FBXO25: variants seen among roughly 807,000 people sequenced by gnomAD.
FBXO25 encodes F-box only protein 25.
In FBXO25, 45 loss-of-function variants were observed where a neutral mutation model predicts 51.9. The ratio of observed to expected loss-of-function variants is 0.87; its 90% CI spans 0.68 to 1.11. FBXO25 has a LOEUF of 1.11. FBXO25 is among the 50% of genes most tolerant of loss of function. The pLI, the probability that FBXO25 is intolerant of heterozygous loss-of-function variation, is 0.00. For missense variants in FBXO25, 507 were observed against 428.5 expected, an observed-to-expected ratio of 1.18 and a Z score of -1.62; for synonymous variants, 199 against 151.0, an observed-to-expected ratio of 1.32 and a Z score of -2.33.
intron 9 of FBXO25, among the ~76,000 whole-genome samples, chr8:466,675 C>T (rs1800179028): frequency 6.6e-6 from 1 of 152,212 alleles, no homozygotes; most frequent in Non-Finnish European, 1.5e-5. Context: ...TGGAGCTCTC[C>T]AGTCAGCAGT....
At chr8:441,100 A>G (rs2116650446) in intron 5 of FBXO25, among the ~76,000 whole-genome samples, 1 of 150,532 alleles carries the variant, frequency 6.6e-6, no homozygotes, top group African/African-American at 2.5e-5. Flanking sequence ...TCATCATACT[A>G]CCTGACTTCA....
intron 1 of FBXO25, among the ~76,000 whole-genome samples, chr8:409,518 A>G (rs999523545): frequency 6.6e-6 from 1 of 152,224 alleles, no homozygotes; most frequent in African/African-American, 2.4e-5. Flanking sequence ...AGAATTGGTT[A>G]TATTAATGGA....
chr8:453,500 C>G (rs1332676787), intron 7 of FBXO25, among the ~76,000 whole-genome samples: 1 of 152,136 alleles, frequency 6.6e-6, no homozygotes, highest in Non-Finnish European at 1.5e-5. Context: ...GTAGAAAGAG[C>G]ACTTTACCAG....
rs555311296 is a variant in FBXO25, at chr8:408,910, A to G, written c.-8+1844A>G. On this transcript the variant is annotated intron_variant, in intron 1 of 9. Coordinates refer to ENST00000350302, the MANE Select transcript of FBXO25 (RefSeq NM_183420.2). ...GAGTGCTTGCTCTTAAAAGTTTAAT[A>G]ATTTTCAGGAGTAATTTCTAGTTTT... Among the ~76,000 whole-genome samples, 64 of 152,348 alleles carry G rather than the reference A, an allele frequency of 4.2e-4. 1 individual carries two copies. The highest frequency in any genetic ancestry group is 1.0e-3 in the South Asian group (5 of 4,828).
intron 7 of FBXO25, among the ~76,000 whole-genome samples, chr8:456,630 C>T (rs1326140828): frequency 6.6e-6 from 1 of 152,158 alleles, no homozygotes; most frequent in Admixed American, 6.5e-5. Flanking sequence ...CAGGGCAGGA[C>T]AGCACACTAG....
intron 5 of FBXO25, among the ~76,000 whole-genome samples, chr8:443,689 A>G (rs2116671413): frequency 6.6e-6 from 1 of 151,356 alleles, no homozygotes; most frequent in African/African-American, 2.4e-5. Flanking sequence ...GTGCTTCCCT[A>G]CCTCGGGGCA....
chr8:413,587 C>G (rs1232970367), intron 2 of FBXO25, among the ~76,000 whole-genome samples: 4 of 152,092 alleles, frequency 2.6e-5, no homozygotes, highest in Non-Finnish European at 5.9e-5. Flanking sequence ...CCTTGAAAGC[C>G]TGAGTTGGCA....
intron 2 of FBXO25, among the ~76,000 whole-genome samples, chr8:429,479 T>C (rs1797688568): frequency 1.3e-5 from 2 of 152,220 alleles, no homozygotes; most frequent in South Asian, 4.1e-4. Flanking sequence ...ACATGTTTGC[T>C]GTGACGTGTA....
At chr8:461,531 A>G (rs1585099988) in intron 8 of FBXO25, among the ~76,000 whole-genome samples, 2 of 152,278 alleles carry the variant, frequency 1.3e-5, no homozygotes, top group Admixed American at 1.3e-4. Flanking sequence ...TGCCCCCATG[A>G]TTCAGTTACC....
Position 458,270 on chromosome 8 carries a change from C to T in FBXO25, c.661-99C>T, listed in dbSNP as rs575675877. On this transcript the variant is annotated intron_variant, in intron 7 of 9. Coordinates refer to ENST00000350302, the MANE Select transcript of FBXO25 (RefSeq NM_183420.2). ...GACATGGAGAGCTCTTTTTGTGTTA[C>T]CATGTTTTGAAGCATTCATTCCAGC... 1.3e-4 allele frequency: 171 copies of T among 1,352,908 alleles called. No homozygotes were observed. The African/African-American group carries it at 1.6e-3, about 12-fold the overall frequency. The allele number at this position is 1,352,908 out of a possible 1,614,324, so 83.8% of individuals were successfully genotyped here. A position where few individuals can be genotyped will look rare whatever the true frequency, so the allele number is the denominator to read the frequency against.
At chr8:421,224 C>G (rs1017406768) in intron 2 of FBXO25, among the ~76,000 whole-genome samples, 2 of 151,996 alleles carry the variant, frequency 1.3e-5, no homozygotes, top group African/African-American at 4.8e-5. Flanking sequence ...GACTAACTAA[C>G]TAATGCCTGA....
intron 1 of FBXO25, among the ~76,000 whole-genome samples, chr8:407,999 G>T (rs552434026): frequency 6.6e-6 from 1 of 152,146 alleles, no homozygotes; most frequent in African/African-American, 2.4e-5. Flanking sequence ...TTACCATCCG[G>T]CCCTAATCAG....
chr8:419,747 C>T (rs1797038048), intron 2 of FBXO25, among the ~76,000 whole-genome samples: 1 of 152,010 alleles, frequency 6.6e-6, no homozygotes, highest in Non-Finnish European at 1.5e-5. Context: ...TGATCTTGGG[C>T]AGAGTTTTTA....
At chr8:416,078 C>G (rs1422563934) in intron 2 of FBXO25, among the ~76,000 whole-genome samples, 8 of 152,198 alleles carry the variant, frequency 5.3e-5, no homozygotes, top group Admixed American at 5.2e-4. Flanking sequence ...TTCACCCACT[C>G]ATTTATTTGC....
intron 2 of FBXO25, 103 bp downstream of exon 2, chr8:413,316 C>T: frequency 2.9e-6 from 4 of 1,361,750 alleles, no homozygotes; most frequent in Middle Eastern, 2.0e-4. Flanking sequence ...TGAGACTTGC[C>T]CACCCAGAAG....
Position 425,508 on chromosome 8 carries a change from A to C in FBXO25, c.135-5833A>C, listed in dbSNP as rs548630455. Among the ~76,000 whole-genome samples the C allele has an allele frequency of 9.3e-4, 141 of 151,540 alleles. 1 individual carries two copies. The highest frequency in any genetic ancestry group is 3.0e-3 in the African/African-American group (126 of 41,390). On this transcript the variant is annotated intron_variant, in intron 2 of 9. Transcript: ENST00000350302. ...TCTTAGTTCTATTCTTTTTCTACTT[A>C]ATAATATCTGCTTTTATTTGTAATA... is the stretch of plus-strand genomic sequence containing the variant.
chr8:465,493 C>T (rs2116843200), intron 9 of FBXO25, among the ~76,000 whole-genome samples: 1 of 152,246 alleles, frequency 6.6e-6, no homozygotes, highest in Non-Finnish European at 1.5e-5. Context: ...CAATATTTAT[C>T]AATATTGGAG....
At chr8:455,077 G>T (rs897784083) in intron 7 of FBXO25, among the ~76,000 whole-genome samples, 1 of 152,100 alleles carries the variant, frequency 6.6e-6, no homozygotes, top group East Asian at 1.9e-4. Flanking sequence ...ATTCCCAGAA[G>T]TTGCAGAATT....
chr8:430,744 C>G (rs557925123), intron 2 of FBXO25, among the ~76,000 whole-genome samples: 1 of 152,126 alleles, frequency 6.6e-6, no homozygotes, highest in Non-Finnish European at 1.5e-5. Flanking sequence ...TAGTTATTGC[C>G]TTATGATTTG....
Sources: gnomAD v4.1 joint callset for allele counts (sites outside exome capture counted in the v4.1 genomes callset) on GRCh38, gnomAD v4.1.1 for gene constraint, MANE v1.5 for transcripts, NCBI Gene and HGNC (gene_info 2026-07-23, HGNC 2026-07-21) for gene names.